The following RTN2 variants were observed in gnomAD, a reference collection of about 807,000 sequenced individuals.
RTN2 encodes the protein reticulon-2.
In RTN2, 36 loss-of-function variants were observed where a neutral mutation model predicts 63.7. That is an observed-to-expected ratio of 0.56 (90% CI 0.43 to 0.75). The LOEUF is 0.75. RTN2 is among the 30% of genes least tolerant of loss of function. RTN2 has a pLI of 0.00. For synonymous variants in RTN2, 312 were observed against 313.0 expected (o/e 1.00, Z 0.03); for missense variants, 673 against 705.1 (o/e 0.95, Z 0.52).
chr19:45,487,232 T>TG (rs1380100086), intron 9 of RTN2, among the ~76,000 whole-genome samples: 2 of 151,664 alleles, frequency 1.3e-5, no homozygotes, highest in African/African-American at 4.8e-5. Context: ...TTTGTAGAGA[T>TG]GGGGGTCTTA....
At chr19:45,489,646 G>A (rs550816781) in intron 5 of RTN2, 93 bp from the exon 6 acceptor site, 13 of 807,474 alleles carry the variant, frequency 1.6e-5, no homozygotes, top group Admixed American at 2.5e-5. Context: ...ATGACTTCTC[G>A]ACACACCTGT....
Position 45,494,541 on chromosome 19 carries a change from C to T in RTN2, c.544G>A (p.Gly182Arg). 2 of 1,613,592 alleles carry T rather than the reference C, an allele frequency of 1.2e-6. No homozygotes were observed. Among genetic ancestry groups the T allele is most frequent in the East Asian group, 2.2e-5 (1 of 44,864 alleles). ...EPQEPNRLETGEAGEELDLRL... is the reference protein window; with the variant it reads ...EPQEPNRLETREAGEELDLRL... ...GACATCTCACCTTCCCCAGCTTCTC[C>T]TGTCTCCAATCTGTTGGGTTCTTGG... The change falls in exon 3 of 11, where the codon GGA becomes AGA. Residue 182 changes from glycine (G) to arginine (R), a missense_variant. Gly to Arg is a moderately radical substitution (Grantham distance 125). Coordinates refer to ENST00000245923, the MANE Select transcript of RTN2 (RefSeq NM_005619.5). The surrounding 1 kb of genome is among the most constrained non-coding windows in gnomAD (Gnocchi z 5.3).
chr19:45,487,026 C>A (rs183878162), intron 9 of RTN2, among the ~76,000 whole-genome samples: 56 of 107,692 alleles, frequency 5.2e-4, no homozygotes, highest in African/African-American at 1.8e-3. Flanking sequence ...AGCCACCATG[C>A]CCAGCCTTTT....
intron 5 of RTN2, among the ~76,000 whole-genome samples, chr19:45,490,565 G>T (rs1968135121): frequency 7.0e-6 from 1 of 143,162 alleles, no homozygotes; most frequent in African/African-American, 2.5e-5. Flanking sequence ...GTGTGTGTGT[G>T]TGTGTTTTGT....
chr19:45,489,579 G>T, intron 5 of RTN2, 26 bp from the exon 6 acceptor site: 1 of 1,540,580 alleles, frequency 6.5e-7, no homozygotes, highest in Non-Finnish European at 8.8e-7. Context: ...GGGCATCAGG[G>T]CTTGTACCTG....
intron 6 of RTN2, 55 bp from the exon 7 acceptor site, chr19:45,489,041 G>A: frequency 4.4e-6 from 7 of 1,578,644 alleles, no homozygotes; most frequent in Non-Finnish European, 6.0e-6. Context: ...TCAGACTGGT[G>A]CAGGGGCAGC....
rs749660821 is a variant in RTN2, at chr19:45,493,182, G to A, written c.1011C>T (p.Leu337=). 5.6e-6 allele frequency: 9 copies of A among 1,612,438 alleles called. No individual in the cohort carries two copies. In the Admixed American group the frequency reaches 8.3e-5, roughly 15 times the overall value. ...CACCTTTACTCCCCATATCGGCTCC[G>A]AGTGAGAGGCTGGGGACACCGCTGC... The part of the protein sequence containing the change: ...PRSSGVPSLS[L]GADMGSKVAD... The change falls in exon 5 of 11, where the codon CTC becomes CTT. Residue 337 remains leucine, a synonymous_variant. Coordinates refer to ENST00000245923, the MANE Select transcript of RTN2 (RefSeq NM_005619.5).
rs1223589755 is a variant in RTN2, at chr19:45,485,807, G to A, written c.1557-18C>T. The stretch of plus-strand genomic sequence containing the variant: ...CTCGGATCCTGAAGGAGAAACAGGT[G>A]GGATCACGAGGTGGGGCAAGAGACG... On this transcript the variant is annotated intron_variant, in intron 10 of 10. Coordinates refer to ENST00000245923, the MANE Select transcript of RTN2 (RefSeq NM_005619.5). The A allele has an allele frequency of 6.2e-7, 1 of 1,602,200 alleles. No individual in the cohort carries two copies. Among genetic ancestry groups the A allele is most frequent in the South Asian group, 1.1e-5 (1 of 90,822 alleles).
At chr19:45,495,593 G>A (rs1029815553) in intron 1 of RTN2, among the ~76,000 whole-genome samples, 2 of 152,250 alleles carry the variant, frequency 1.3e-5, no homozygotes, top group African/African-American at 4.8e-5. Context: ...GTGAAGGGGT[G>A]CTGTTTCTCA....
Position 45,493,363 on chromosome 19 carries a change from C to T in RTN2, c.830G>A (p.Trp277Ter). 3 of 1,606,932 alleles carry T rather than the reference C, an allele frequency of 1.9e-6. No individual in the cohort carries two copies. Among genetic ancestry groups the T allele is most frequent in the Non-Finnish European group, 2.5e-6 (3 of 1,178,124 alleles). The part of the protein sequence containing the change: ...EPRLLGTAME[W>*]LKTSLLLAVY... Reference sequence around the variant, plus strand: ...AGCCAAAAGCAATGATGTCTTTAACCATTCCATAGCTGTTCCTGGAGGCGG... The same window carrying T: ...AGCCAAAAGCAATGATGTCTTTAACTATTCCATAGCTGTTCCTGGAGGCGG... The change falls in exon 5 of 11, where the codon TGG (tryptophan) becomes TAG (stop). Residue 277 changes from tryptophan to a stop codon, truncating the protein, a stop_gained. Transcript: ENST00000245923. LOFTEE classifies it high-confidence loss of function.
At chr19:45,496,770 G>A (rs774089936) in intron 1 of RTN2, 22 bp downstream of exon 1, 3 of 1,492,522 alleles carry the variant, frequency 2.0e-6, no homozygotes, top group Admixed American at 2.1e-5. Context: ...CCCACACCAG[G>A]CCCCAGTCTT....
intron 9 of RTN2, among the ~76,000 whole-genome samples, chr19:45,486,606 A>G (rs1017481527): frequency 6.6e-6 from 1 of 151,664 alleles, no homozygotes; most frequent in Non-Finnish European, 1.5e-5. Flanking sequence ...CAGCCTCCTG[A>G]GTTCAAGCGA....
rs778882714 is a variant in RTN2 at position 45,494,340 on chromosome 19, G to T, written c.640C>A (p.Pro214Thr). Residue 214 changes from proline to threonine, a missense_variant, in exon 4 of 11, where the codon CCC becomes ACC. Pro to Thr is a conservative substitution (Grantham distance 38, BLOSUM62 -1). Coordinates refer to ENST00000245923, the MANE Select transcript of RTN2 (RefSeq NM_005619.5). The surrounding 1 kb of genome is among the most constrained non-coding windows in gnomAD (Gnocchi z 5.3). ...TPQLSPGSGTPQAGTPSPSRS... is the reference protein window; with the variant it reads ...TPQLSPGSGTTQAGTPSPSRS... ...GATGGGGACGGAGTACCGGCCTGGG[G>T]TGTCCCAGAGCCCGGACTGAGCTGG... The T allele has an allele frequency of 1.2e-6, 2 of 1,614,068 alleles. No homozygotes were observed. The highest frequency in any genetic ancestry group is 1.7e-6 in the Non-Finnish European group (2 of 1,180,046).
At chr19:45,493,794 A>AGGGTGCTGGTCTC in intron 4 of RTN2, 1 of 277,304 alleles carries the variant, frequency 3.6e-6, no homozygotes, top group Non-Finnish European at 6.8e-6. Flanking sequence ...CCCAGGCTGG[A>AGGGTGCTGGTCTC]GTGCAGTGGC....
chr19:45,488,581 CT>C, intron 8 of RTN2, 55 bp downstream of exon 8: 10 of 1,612,706 alleles, frequency 6.2e-6, no homozygotes, highest in Non-Finnish European at 8.5e-6. Flanking sequence ...ATCTGGAGCC[CT>C]GTCCCCCACC....
chr19:45,491,562 C>T (rs1968161296), intron 5 of RTN2, among the ~76,000 whole-genome samples: 2 of 143,634 alleles, frequency 1.4e-5, no homozygotes, highest in South Asian at 4.4e-4. Flanking sequence ...GGCAGAATCT[C>T]GCTCTGTTGC....
chr19:45,496,778 C>A lies in RTN2; in HGVS notation c.34+14G>T. On this transcript the variant is annotated intron_variant, in intron 1 of 10. Coordinates refer to ENST00000245923, the MANE Select transcript of RTN2 (RefSeq NM_005619.5). ...TCTGGGGCCCACACCAGGCCCCAGT[C>A]TTCCTCTACTCACTGCAGTGGGCGA... is the stretch of plus-strand genomic sequence containing the variant. The A allele has an allele frequency of 6.6e-7, 1 of 1,508,226 alleles. No homozygotes were observed. 93.4% of individuals were successfully genotyped at this position (1,508,226 alleles called of 1,614,324 possible). A position where few individuals can be genotyped will look rare whatever the true frequency, so the allele number is the denominator to read the frequency against.
Position 45,493,145 on chromosome 19 carries a change from G to C in RTN2, c.1033+15C>G, listed in dbSNP as rs1423985720. 2.5e-6 allele frequency: 4 copies of C among 1,609,914 alleles called. No homozygotes were observed. Among genetic ancestry groups the C allele is most frequent in the African/African-American group, 2.7e-5 (2 of 74,746 alleles). On this transcript the variant is annotated intron_variant, in intron 5 of 10. Coordinates refer to ENST00000245923, the MANE Select transcript of RTN2 (RefSeq NM_005619.5). ...GCCGACCTCAGCCCCCGTCCAGCCC[G>C]TTCCGCAAGCCCACCTTTACTCCCC...
At chr19:45,491,545 T>G (rs1208969341) in intron 5 of RTN2, among the ~76,000 whole-genome samples, 1 of 149,972 alleles carries the variant, frequency 6.7e-6, no homozygotes, top group Non-Finnish European at 1.5e-5. Context: ...TTTTTTTTTT[T>G]TTTTGAGGCA....
Sources: gnomAD v4.1 joint callset for allele counts (sites outside exome capture counted in the v4.1 genomes callset) on GRCh38, gnomAD v4.1.1 for gene constraint, Gnocchi (gnomAD v3.1) non-coding constraint, MANE v1.5 for transcripts, NCBI Gene and HGNC (gene_info 2026-07-23, HGNC 2026-07-21) for gene names.